HDAC4: variants seen among roughly 807,000 people sequenced by gnomAD.
HDAC4 encodes histone deacetylase A.
A neutral mutation model predicts 135.1 loss-of-function variants in HDAC4; 16 were observed. That is an observed-to-expected ratio of 0.12 (90% CI 0.08 to 0.18). The LOEUF (loss-of-function observed/expected upper bound fraction) is 0.18. HDAC4 is among the 10% of genes least tolerant of loss of function. The pLI is 1.00. For missense variants in HDAC4, 1,143 were observed against 1,511.8 expected, an observed-to-expected ratio of 0.76 and a Z score of 4.05; for synonymous variants, 685 against 653.4, an observed-to-expected ratio of 1.05 and a Z score of -0.74.
At chr2:239,134,888 A>G (rs2040843360) in intron 9 of HDAC4, among the ~76,000 whole-genome samples, 1 of 152,208 alleles carries the variant, frequency 6.6e-6, no homozygotes, top group Non-Finnish European at 1.5e-5. Flanking sequence ...CTTGTCCAGC[A>G]TCATCTCGTT....
chr2:239,120,730 G>A (rs3791438), intron 12 of HDAC4, among the ~76,000 whole-genome samples: 17,645 of 151,640 alleles, frequency 0.12, 1,264 homozygotes, highest in East Asian at 0.3. Context: ...TTCTTTAGCA[G>A]CCCAGGGGCC....
intron 23 of HDAC4, among the ~76,000 whole-genome samples, chr2:239,067,216 C>T (rs1388355879): frequency 1.3e-5 from 2 of 152,228 alleles, no homozygotes; most frequent in South Asian, 2.1e-4. Flanking sequence ...GGTTATCTGA[C>T]ATGCTCCAAA....
intron 12 of HDAC4, among the ~76,000 whole-genome samples, chr2:239,124,966 G>A (rs1398253201): frequency 1.3e-5 from 2 of 150,010 alleles, no homozygotes; most frequent in African/African-American, 4.9e-5. Context: ...GTGACATTCT[G>A]GTGTGCTGGC....
chr2:239,197,494 C>T (rs1251164157), intron 3 of HDAC4, among the ~76,000 whole-genome samples: 3 of 152,198 alleles, frequency 2.0e-5, no homozygotes, highest in African/African-American at 7.2e-5. Context: ...TCGTAGGGGG[C>T]TCCCTGAAGC....
Position 239,052,718 on chromosome 2 carries a change from A to ATCTT in HDAC4, c.*375_*378dup, listed in dbSNP as rs1377180992. On this transcript the variant is annotated 3_prime_UTR_variant, in exon 27 of 27. Coordinates refer to ENST00000543185, the MANE Select transcript of HDAC4 (RefSeq NM_001378414.1). Reference sequence around the variant, plus strand: ...AATCAAGTTTGTTTTGTATTATTAGATCTTTGATATTTGTTTTCTGTGCCT... The same window carrying ATCTT: ...AATCAAGTTTGTTTTGTATTATTAGATCTTTCTTTGATATTTGTTTTCTGTGCCT... The ATCTT allele has an allele frequency of 3.3e-5, 10 of 299,078 alleles. No individual in the cohort carries two copies. Among genetic ancestry groups the ATCTT allele is most frequent in the African/African-American group, 4.3e-5 (2 of 46,774 alleles). The allele number at this position is 299,078 out of a possible 1,614,324, so 18.5% of individuals were successfully genotyped here.
At chr2:239,328,820 G>A (rs1691344273) in intron 2 of HDAC4, among the ~76,000 whole-genome samples, 1 of 152,254 alleles carries the variant, frequency 6.6e-6, no homozygotes. Flanking sequence ...GCCAGCCCTG[G>A]CCAAGAGTCA....
At chr2:239,140,611 T>C (rs1466855860) in intron 8 of HDAC4, among the ~76,000 whole-genome samples, 3 of 152,204 alleles carry the variant, frequency 2.0e-5, no homozygotes, top group Admixed American at 6.5e-5. Context: ...GAAAACACAA[T>C]GTGACCCATT....
chr2:239,203,429 T>A (rs966433775), intron 3 of HDAC4, among the ~76,000 whole-genome samples: 5 of 152,204 alleles, frequency 3.3e-5, no homozygotes, highest in Non-Finnish European at 7.3e-5. Flanking sequence ...CCAAGAAGGC[T>A]CATTGGAAAA....
chr2:239,379,589 G>A (rs1282201191), intron 1 of HDAC4, among the ~76,000 whole-genome samples: 3 of 152,226 alleles, frequency 2.0e-5, no homozygotes, highest in East Asian at 1.9e-4. Context: ...TCAGGGCACC[G>A]GCTCCTGGCA....
At chr2:239,383,963 G>A (rs1314597038) in intron 1 of HDAC4, among the ~76,000 whole-genome samples, 1 of 152,214 alleles carries the variant, frequency 6.6e-6, no homozygotes, top group Non-Finnish European at 1.5e-5. Context: ...AGCTGCCATC[G>A]CTGGCACCTG....
In HDAC4 at chr2:239,205,094, T is replaced by C. The variant is rs1231887608; in HGVS notation, c.95-15017A>G. ...TCCGGCCTGGTCTCCCCACCCCACG[T>C]GGCTGGCAGGTGGCAAGGCCTACAT... On this transcript the variant is annotated intron_variant, in intron 3 of 26. Transcript: ENST00000543185. Among the ~76,000 whole-genome samples, 8 of 152,142 alleles carry C rather than the reference T, an allele frequency of 5.3e-5. No individual in the cohort carries two copies. The East Asian group carries it at 1.4e-3, about 26-fold the overall frequency.
At chr2:239,256,722 T>C (rs1265909721) in intron 2 of HDAC4, among the ~76,000 whole-genome samples, 4 of 152,248 alleles carry the variant, frequency 2.6e-5, no homozygotes, top group Non-Finnish European at 5.9e-5. Flanking sequence ...ACTGGATGAA[T>C]AAATCAAGCT....
chr2:239,145,299 G>A (rs574251452), intron 7 of HDAC4, among the ~76,000 whole-genome samples: 1 of 152,198 alleles, frequency 6.6e-6, no homozygotes, highest in African/African-American at 2.4e-5. Context: ...ACCCCGACCT[G>A]GGGAGGCTCA....
At chr2:239,222,334 C>T (rs771989664) in intron 3 of HDAC4, among the ~76,000 whole-genome samples, 22 of 152,158 alleles carry the variant, frequency 1.4e-4, no homozygotes, top group Non-Finnish European at 2.8e-4. Flanking sequence ...ATCCTTAAAG[C>T]TCTTTAGAAA....
rs570758702 is a variant in HDAC4 at position 239,221,538 on chromosome 2, T to G, written c.94+15055A>C. Among the ~76,000 whole-genome samples the G allele has an allele frequency of 7.9e-5, 12 of 152,098 alleles. No individual in the cohort carries two copies. The South Asian group carries it at 2.5e-3, about 32-fold the overall frequency. ...ACGGCCCATGCCCATCTCTGTGTCC[T>G]CAGCACTCACCGCAAGGCCTGGACT... is the stretch of plus-strand genomic sequence containing the variant. On this transcript the variant is annotated intron_variant, in intron 3 of 26. Transcript: ENST00000543185.
chr2:239,123,612 G>A (rs564299533), intron 12 of HDAC4, among the ~76,000 whole-genome samples: 12 of 152,314 alleles, frequency 7.9e-5, no homozygotes, highest in African/African-American at 2.4e-4. Flanking sequence ...GGCCTTCCCC[G>A]ACTCAGCCCC....
intron 2 of HDAC4, among the ~76,000 whole-genome samples, chr2:239,324,995 A>G (rs2053428959): frequency 2.0e-5 from 3 of 152,250 alleles, no homozygotes; most frequent in African/African-American, 7.2e-5. Flanking sequence ...AAAGGCAAGC[A>G]ACATCCTCTT....
chr2:239,197,883 G>GT (rs56701349), intron 3 of HDAC4, among the ~76,000 whole-genome samples: 5 of 142,976 alleles, frequency 3.5e-5, no homozygotes, highest in Non-Finnish European at 4.5e-5. Flanking sequence ...GTGTGTGTGT[G>GT]CTGAGTGTCA....
At chr2:239,297,956 G>A (rs2052011092) in intron 2 of HDAC4, among the ~76,000 whole-genome samples, 1 of 152,120 alleles carries the variant, frequency 6.6e-6, no homozygotes, top group South Asian at 2.1e-4. Flanking sequence ...TATTCCCGGT[G>A]CCGCGGCTGC....
Sources: gnomAD v4.1 joint callset for allele counts (sites outside exome capture counted in the v4.1 genomes callset) on GRCh38, gnomAD v4.1.1 for gene constraint, MANE v1.5 for transcripts, NCBI Gene and HGNC (gene_info 2026-07-23, HGNC 2026-07-21) for gene names.